Variants in DNAH3 observed in about 807,000 individuals in gnomAD.
DNAH3 encodes the protein dynein axonemal heavy chain 3, also known as axonemal beta dynein heavy chain 3.
DNAH3 carries 332 observed loss-of-function variants against 432.5 expected under a neutral mutation model. That is an observed-to-expected ratio of 0.77 (90% CI 0.70 to 0.84). The LOEUF is 0.84. DNAH3 is among the 40% of genes least tolerant of loss of function. The pLI, the probability that DNAH3 is intolerant of heterozygous loss-of-function variation, is 0.00. For synonymous variants in DNAH3, 1,956 were observed against 1,900.2 expected, an observed-to-expected ratio of 1.03 and a Z score of -0.76; for missense variants, 4,861 against 5,114.0, an observed-to-expected ratio of 0.95 and a Z score of 1.51.
chr16:21,059,411 C>T (rs2090260819), intron 26 of DNAH3, among the ~76,000 whole-genome samples: 1 of 152,144 alleles, frequency 6.6e-6, no homozygotes, highest in Admixed American at 6.5e-5. Context: ...GGTCAGTCCC[C>T]AGGACTTTAG....
chr16:21,106,752 T>C, intron 14 of DNAH3, 78 bp from the exon 15 acceptor site: 1 of 1,220,052 alleles, frequency 8.2e-7, no homozygotes, highest in Non-Finnish European at 1.1e-6. Context: ...CTTGTAAGAC[T>C]CCATGTTCAA....
At chr16:21,106,699 TATC>T (rs748980226) in intron 14 of DNAH3, 25 bp from the exon 15 acceptor site, 172 of 1,446,232 alleles carry the variant, frequency 1.2e-4, no homozygotes, top group South Asian at 2.7e-4. Context: ...CAGCCATTGT[TATC>T]ATCATCATCA....
At chr16:21,054,468 T>C in exon 28 of DNAH3, 1 of 1,614,204 alleles carries the variant, frequency 6.2e-7, no homozygotes, top group Non-Finnish European at 8.5e-7. Context: ...CGAGCTCCAC[T>C]GCTCAGCTTC....
At chr16:21,098,466 A>T in intron 17 of DNAH3, 150 bp downstream of exon 17, 1 of 795,594 alleles carries the variant, frequency 1.3e-6, no homozygotes, top group Non-Finnish European at 1.8e-6. Context: ...AAAGAAAAGA[A>T]AAAAGAAAGT....
Position 21,097,335 on chromosome 16 carries a change from A to G in DNAH3, c.2665+20T>C. The G allele has an allele frequency of 6.2e-7, 1 of 1,613,006 alleles. No homozygotes were observed. The highest frequency in any genetic ancestry group is 1.1e-5 in the South Asian group (1 of 91,010). On this transcript the variant is annotated intron_variant, in intron 18 of 61. Coordinates refer to ENST00000261383, the Ensembl canonical transcript of DNAH3. ...CCACCTCATCCCCATCTGTCCCAGCAGAGTGAGATCACCACATACCATTCA... is the reference window on the plus strand; with the variant it reads ...CCACCTCATCCCCATCTGTCCCAGCGGAGTGAGATCACCACATACCATTCA...
intron 39 of DNAH3, 62 bp downstream of exon 39, chr16:21,024,534 G>T: frequency 8.1e-7 from 1 of 1,227,676 alleles, no homozygotes; most frequent in South Asian, 1.5e-5. Flanking sequence ...GTACCTAGAA[G>T]ACCCTCGAGA....
chr16:21,098,981 C>A (rs982115306), intron 16 of DNAH3, among the ~76,000 whole-genome samples: 2 of 152,136 alleles, frequency 1.3e-5, no homozygotes, highest in African/African-American at 4.8e-5. Flanking sequence ...GACCACCTCC[C>A]AGAAATCGAG....
rs145791741 is a variant in DNAH3 at position 20,985,269 on chromosome 16, G to A, written c.7473C>T (p.Phe2491=). Residue 2491 remains phenylalanine, a synonymous_variant, in exon 48 of 62, where the codon TTC becomes TTT. Transcript: ENST00000261383. Reference sequence around the variant, plus strand: ...ATTCATCCTTGATCTGGTTGTCGGCGAAGAGGAACACGGTGCTCTTGGTGG... The same window carrying A: ...ATTCATCCTTGATCTGGTTGTCGGCAAAGAGGAACACGGTGCTCTTGGTGG... The A allele has an allele frequency of 5.6e-5, 91 of 1,614,152 alleles. No homozygotes were observed. In the African/African-American group the frequency reaches 8.9e-4, roughly 16 times the overall value.
chr16:21,064,863 GTGTGTGT>G (rs1567727176), intron 24 of DNAH3, among the ~76,000 whole-genome samples: 50 of 66,516 alleles, frequency 7.5e-4, no homozygotes, highest in Middle Eastern at 0.014. Flanking sequence ...TGAGGTAGGT[GTGTGTGT>G]GTGTGTGTGT....
intron 51 of DNAH3, among the ~76,000 whole-genome samples, chr16:20,972,739 A>ATTTTTTTTTTTTTTTTTTT (rs34245316): frequency 1.0e-5 from 1 of 95,976 alleles, no homozygotes; most frequent in African/African-American, 4.6e-5. Flanking sequence ...ATGCCCCGTG[A>ATTTTTTTTTTTTTTTTTTT]TTTTTTTTTT....
chr16:20,958,938 T>C (rs2084690742), intron 54 of DNAH3, among the ~76,000 whole-genome samples: 1 of 152,158 alleles, frequency 6.6e-6, no homozygotes, highest in Admixed American at 6.6e-5. Context: ...TGGCTAATTT[T>C]TGTATTTTTA....
At chr16:21,117,368 T>C (rs780442439) in intron 11 of DNAH3, 29 bp from the exon 12 acceptor site, 2 of 1,296,780 alleles carry the variant, frequency 1.5e-6, no homozygotes, top group Non-Finnish European at 1.1e-6. Flanking sequence ...TTTTGCATGT[T>C]GCAAGACTTA....
At chr16:21,029,997 A>C (rs1232272283) in intron 37 of DNAH3, among the ~76,000 whole-genome samples, 2 of 152,028 alleles carry the variant, frequency 1.3e-5, no homozygotes, top group Non-Finnish European at 2.9e-5. Context: ...TAATTAAAAC[A>C]AATTTTTTTT....
Position 21,132,738 on chromosome 16 carries a change from G to A in DNAH3, c.1082+1521C>T, listed in dbSNP as rs147465984. Among the ~76,000 whole-genome samples, 583 of 152,306 alleles carry A rather than the reference G, an allele frequency of 3.8e-3. 1 individual carries two copies. Among genetic ancestry groups the A allele is most frequent in the Non-Finnish European group, 5.9e-3 (401 of 68,028 alleles). On this transcript the variant is annotated intron_variant, in intron 7 of 61. Coordinates refer to ENST00000261383, the Ensembl canonical transcript of DNAH3. ...ACTTAGTGGTTGGGAGGAAATGGGGGAAGGTGAGAATGCGGAGTGACTGCT... is the reference window on the plus strand; with the variant it reads ...ACTTAGTGGTTGGGAGGAAATGGGGAAAGGTGAGAATGCGGAGTGACTGCT...
At chr16:20,983,445 C>G (rs1238157093) in intron 48 of DNAH3, among the ~76,000 whole-genome samples, 1 of 150,436 alleles carries the variant, frequency 6.6e-6, no homozygotes, top group Admixed American at 6.6e-5. Flanking sequence ...TCTAACTGGT[C>G]TCCCATACAC....
chr16:20,992,289 G>T (rs1264916881), intron 44 of DNAH3, among the ~76,000 whole-genome samples: 1 of 152,100 alleles, frequency 6.6e-6, no homozygotes, highest in African/African-American at 2.4e-5. Flanking sequence ...GGTAATCTTT[G>T]ATAGCTTTCT....
At chr16:21,028,807 G>GT (rs1171293728) in intron 37 of DNAH3, among the ~76,000 whole-genome samples, 6 of 152,138 alleles carry the variant, frequency 3.9e-5, no homozygotes, top group Non-Finnish European at 8.8e-5. Context: ...CCAGTGAGAT[G>GT]TTTAAGTTAT....
chr16:21,134,552 C>T lies in DNAH3; in HGVS notation c.887-98G>A, dbSNP rs2092616280. 12 of 1,163,356 alleles carry T rather than the reference C, an allele frequency of 1.0e-5. 1 individual carries two copies. In the South Asian group the frequency reaches 1.8e-4, roughly 18 times the overall value. The allele number at this position is 1,163,356 out of a possible 1,614,324, so 72.1% of individuals were successfully genotyped here. On this transcript the variant is annotated intron_variant, in intron 6 of 61. Coordinates refer to ENST00000261383, the Ensembl canonical transcript of DNAH3. ...TTTGTTTTTAATATAGAGACGGGGTCTCACTAAGTTGGCCAGGCTGGTCTC... is the reference window on the plus strand; with the variant it reads ...TTTGTTTTTAATATAGAGACGGGGTTTCACTAAGTTGGCCAGGCTGGTCTC...
At chr16:21,153,756 G>A (rs2092879399) in intron 1 of DNAH3, among the ~76,000 whole-genome samples, 1 of 152,054 alleles carries the variant, frequency 6.6e-6, no homozygotes, top group African/African-American at 2.4e-5. Context: ...CTTAAGAGCT[G>A]TAACACTCAC....
Sources: allele counts gnomAD v4.1 joint callset (sites outside exome capture counted in the v4.1 genomes callset), GRCh38; gene constraint gnomAD v4.1.1; transcripts MANE v1.5; gene names NCBI Gene and HGNC (gene_info 2026-07-23, HGNC 2026-07-21).